Variants in TRDN observed in about 807,000 individuals in gnomAD.
TRDN encodes triadin in skeletal muscle.
TRDN carries 161 observed loss-of-function variants against 149.7 expected under a neutral mutation model. The ratio of observed to expected loss-of-function variants is 1.08; its 90% CI spans 0.95 to 1.23. The LOEUF is 1.23. TRDN is among the 50% of genes most tolerant of loss of function. The probability of loss-of-function intolerance (pLI) is 0.00; values close to 1 mark genes in which losing one functional copy is unlikely to be tolerated. For synonymous variants in TRDN, 294 were observed against 250.5 expected, an observed-to-expected ratio of 1.17 and a Z score of -1.64; for missense variants, 896 against 823.5, an observed-to-expected ratio of 1.09 and a Z score of -1.08.
At chr6:123,326,144 C>T (rs1449835486) in intron 23 of TRDN, among the ~76,000 whole-genome samples, 1 of 152,104 alleles carries the variant, frequency 6.6e-6, no homozygotes, top group Non-Finnish European at 1.5e-5. Flanking sequence ...AACATTATTT[C>T]TCTTACTCTT....
intron 2 of TRDN, among the ~76,000 whole-genome samples, chr6:123,562,417 C>A (rs1782051219): frequency 6.6e-6 from 1 of 152,186 alleles, no homozygotes. Flanking sequence ...AGAGCCCTCA[C>A]AAACAGAATT....
intron 25 of TRDN, among the ~76,000 whole-genome samples, chr6:123,278,640 C>T (rs190248704): frequency 5.3e-4 from 81 of 152,228 alleles, no homozygotes; most frequent in Non-Finnish European, 9.7e-4. Flanking sequence ...TGTGTTGGTG[C>T]GTGCCTGTAA....
intron 14 of TRDN, among the ~76,000 whole-genome samples, chr6:123,382,987 A>G (rs1279139510): frequency 1.3e-5 from 2 of 152,010 alleles, no homozygotes; most frequent in Non-Finnish European, 2.9e-5. Flanking sequence ...TAAATTCTCT[A>G]TTACTGAAAT....
chr6:123,350,282 G>T, intron 21 of TRDN: 4 of 950,388 alleles, frequency 4.2e-6, no homozygotes, highest in Non-Finnish European at 5.0e-6. Context: ...ACTTAATTTT[G>T]AGATACTGGA....
chr6:123,396,848 T>A (rs373781363), intron 12 of TRDN, among the ~76,000 whole-genome samples: 1 of 152,268 alleles, frequency 6.6e-6, no homozygotes, highest in Non-Finnish European at 1.5e-5. Context: ...ACACTGTTTA[T>A]ATTTTGACTT....
chr6:123,632,705 C>T (rs186294458), intron 1 of TRDN, among the ~76,000 whole-genome samples: 153 of 152,186 alleles, frequency 1.0e-3, no homozygotes, highest in Non-Finnish European at 2.0e-3. Flanking sequence ...ACCCCCAGCT[C>T]ATCCCCGCTT....
At chr6:123,373,754 T>C (rs1306669617) in intron 19 of TRDN, among the ~76,000 whole-genome samples, 1 of 152,190 alleles carries the variant, frequency 6.6e-6, no homozygotes, top group East Asian at 1.9e-4. Context: ...AAATTATCTA[T>C]CTCTATCATT....
intron 10 of TRDN, among the ~76,000 whole-genome samples, chr6:123,460,782 A>G (rs1776403139): frequency 6.6e-6 from 1 of 152,134 alleles, no homozygotes; most frequent in Non-Finnish European, 1.5e-5. Context: ...GTAAAAAATT[A>G]TCCTATAATA....
At chr6:123,501,740 T>A (rs915765380) in intron 8 of TRDN, 8 of 657,648 alleles carry the variant, frequency 1.2e-5, no homozygotes, top group Non-Finnish European at 1.3e-5. Context: ...TTTGTGCTTT[T>A]GTTTTAAACT....
intron 2 of TRDN, among the ~76,000 whole-genome samples, chr6:123,565,569 C>T (rs1782242879): frequency 6.6e-6 from 1 of 152,174 alleles, no homozygotes; most frequent in South Asian, 2.1e-4. Context: ...TGTATGTTTT[C>T]AGGTAACAGT....
Position 123,504,025 on chromosome 6 carries a change from A to C in TRDN, c.611-124T>G. ...GAAGAAAGGTAAGTCACAAGTGTTT[A>C]TGTTAAGAACAGTATTTTTCAGGAA... On this transcript the variant is annotated intron_variant, in intron 7 of 40. Coordinates refer to ENST00000334268, the MANE Select transcript of TRDN (RefSeq NM_006073.4). 2.8e-6 allele frequency: 3 copies of C among 1,065,036 alleles called. No homozygotes were observed. The East Asian group carries it at 7.9e-5, about 28-fold the overall frequency. The allele number at this position is 1,065,036 out of a possible 1,614,324, so 66.0% of individuals were successfully genotyped here.
chr6:123,267,574 T>A, intron 32 of TRDN, 133 bp downstream of exon 32: 1 of 539,644 alleles, frequency 1.9e-6, no homozygotes, highest in East Asian at 3.4e-5. Flanking sequence ...TAAACTAGAT[T>A]ACACTACAAA....
In TRDN at chr6:123,274,666, G is replaced by T. The variant is rs760109647; in HGVS notation, c.1572C>A (p.Pro524=). ...CTGGTTTTGCTTCTTTTTTAATTTG[G>T]GGCTCTGAGGGAGAGAAAAGGCAGA... ...LQGKKEEKPE[P]QIKKEAKPAI... The change falls in exon 27 of 41, where the codon CCC becomes CCA. Residue 524 remains proline, a synonymous_variant. Coordinates refer to ENST00000334268, the MANE Select transcript of TRDN (RefSeq NM_006073.4). The T allele has an allele frequency of 2.5e-6, 4 of 1,606,808 alleles. No homozygotes were observed. The South Asian group carries it at 4.5e-5, about 18-fold the overall frequency.
At chr6:123,503,987 G>A in intron 7 of TRDN, 86 bp from the exon 8 acceptor site, 1 of 1,391,008 alleles carries the variant, frequency 7.2e-7, no homozygotes, top group Admixed American at 2.9e-5. Flanking sequence ...AGGAAAATTG[G>A]AAAAGAAAGA....
intron 1 of TRDN, among the ~76,000 whole-genome samples, chr6:123,581,437 G>C (rs1243232984): frequency 2.6e-5 from 4 of 152,056 alleles, no homozygotes; most frequent in Non-Finnish European, 5.9e-5. Context: ...ATAGCACTTA[G>C]CATAGCACAT....
At position 123,594,298 on chromosome 6, in the gene TRDN, T is replaced by C. The variant is rs550962932; in HGVS notation, c.23-23166A>G. 1.2e-3 allele frequency among the ~76,000 whole-genome samples: 187 copies of C among 152,240 alleles called. 1 individual carries two copies. The highest frequency in any genetic ancestry group is 4.3e-3 in the African/African-American group (177 of 41,572). On this transcript the variant is annotated intron_variant, in intron 1 of 40. Transcript: ENST00000334268. ...AAATAACCCTATTATTTTTACCTTA[T>C]GAATCTATAACTGTAAAAGACCACA...
At chr6:123,438,325 C>CA (rs769470462) in intron 11 of TRDN, among the ~76,000 whole-genome samples, 1 of 147,316 alleles carries the variant, frequency 6.8e-6, no homozygotes, top group Non-Finnish European at 1.5e-5. Flanking sequence ...GGAAACAGAA[C>CA]TTTTTTTTTT....
intron 12 of TRDN, among the ~76,000 whole-genome samples, chr6:123,422,871 C>T (rs1165663983): frequency 2.0e-5 from 3 of 152,082 alleles, no homozygotes; most frequent in Non-Finnish European, 2.9e-5. Context: ...CCTAAATCTG[C>T]TGTAGATACA....
chr6:123,507,252 T>C (rs982171874), intron 7 of TRDN, among the ~76,000 whole-genome samples: 1 of 152,122 alleles, frequency 6.6e-6, no homozygotes, highest in Non-Finnish European at 1.5e-5. Context: ...TAAGTTACAG[T>C]TGATTTAACC....
Sources: allele counts gnomAD v4.1 joint callset (sites outside exome capture counted in the v4.1 genomes callset), GRCh38; gene constraint gnomAD v4.1.1; transcripts MANE v1.5; gene names NCBI Gene and HGNC (gene_info 2026-07-23, HGNC 2026-07-21).